Variants in BORA observed in about 807,000 individuals in gnomAD.
The protein encoded by BORA is protein aurora borealis.
BORA carries 26 observed loss-of-function variants against 55.8 expected under a neutral mutation model. That is an observed-to-expected ratio of 0.47 (90% CI 0.34 to 0.65). The LOEUF is 0.65. Ranked by LOEUF, BORA falls within the 30% of genes least tolerant of loss-of-function variation. The probability of loss-of-function intolerance (pLI) is 0.01; values close to 1 mark genes in which losing one functional copy is unlikely to be tolerated. For synonymous variants in BORA, 201 were observed against 216.9 expected (o/e 0.93, Z 0.64); for missense variants, 568 against 671.5 (o/e 0.85, Z 1.70).
chr13:72,744,441 A>G (rs2033099872), intron 6 of BORA, 64 bp from the exon 7 acceptor site: 7 of 1,349,052 alleles, frequency 5.2e-6, no homozygotes, highest in East Asian at 4.6e-5. Flanking sequence ...GCTGAATTGT[A>G]TAGTGTATAC....
intron 11 of BORA, 26 bp downstream of exon 11, chr13:72,753,847 T>C (rs766388101): frequency 6.3e-7 from 1 of 1,576,282 alleles, no homozygotes; most frequent in Non-Finnish European, 8.7e-7. Context: ...AGTGAAAGCT[T>C]AATATTGTTT....
At chr13:72,749,720 T>C (rs2033226520) in intron 10 of BORA, among the ~76,000 whole-genome samples, 1 of 152,180 alleles carries the variant, frequency 6.6e-6, no homozygotes, top group Non-Finnish European at 1.5e-5. Context: ...TTCCAAAGTT[T>C]TAAAAAGCCA....
chr13:72,733,826 G>T (rs976267265), intron 3 of BORA, among the ~76,000 whole-genome samples: 1 of 152,044 alleles, frequency 6.6e-6, no homozygotes, highest in African/African-American at 2.4e-5. Context: ...ATTAAGCCAT[G>T]AGCAAGTCTA....
intron 4 of BORA, among the ~76,000 whole-genome samples, chr13:72,736,404 A>G (rs758234016): frequency 3.9e-5 from 6 of 152,150 alleles, no homozygotes; most frequent in Non-Finnish European, 5.9e-5. Context: ...GTGTACTTTC[A>G]GATTAATTTT....
At chr13:72,741,212 A>G (rs2033026965) in intron 5 of BORA, among the ~76,000 whole-genome samples, 1 of 152,230 alleles carries the variant, frequency 6.6e-6, no homozygotes, top group Non-Finnish European at 1.5e-5. Context: ...ACTACACAGT[A>G]TTAGAGTGCT....
intron 4 of BORA, among the ~76,000 whole-genome samples, chr13:72,737,308 T>C (rs1041344228): frequency 7.9e-5 from 12 of 152,172 alleles, no homozygotes; most frequent in African/African-American, 2.9e-4. Flanking sequence ...AAGCTACTGA[T>C]GTGACATCAC....
chr13:72,747,826 C>A (rs1175318333), intron 10 of BORA, among the ~76,000 whole-genome samples: 1 of 152,166 alleles, frequency 6.6e-6, no homozygotes, highest in African/African-American at 2.4e-5. Context: ...AGCCACCGCG[C>A]CTGGCCTTAG....
chr13:72,736,127 G>A (rs2032922365), intron 4 of BORA, among the ~76,000 whole-genome samples: 1 of 151,678 alleles, frequency 6.6e-6, no homozygotes, highest in Non-Finnish European at 1.5e-5. Flanking sequence ...TTTTCATTCT[G>A]ACTCAGTCAC....
intron 5 of BORA, among the ~76,000 whole-genome samples, chr13:72,742,365 A>G (rs546001331): frequency 6.7e-6 from 1 of 148,618 alleles, no homozygotes; most frequent in South Asian, 2.1e-4. Flanking sequence ...GTGATTTTTC[A>G]ATTTATAAAA....
chr13:72,734,849 C>T, intron 3 of BORA, 111 bp from the exon 4 acceptor site: 1 of 716,990 alleles, frequency 1.4e-6, no homozygotes. Context: ...GTGAGCTTAA[C>T]ATTTGCCAGT....
At chr13:72,737,290 C>T (rs2032949690) in intron 4 of BORA, among the ~76,000 whole-genome samples, 1 of 152,026 alleles carries the variant, frequency 6.6e-6, no homozygotes, top group Admixed American at 6.6e-5. Context: ...CCAACCATGG[C>T]CAGTTTCAAG....
Position 72,747,131 on chromosome 13 carries a change from A to G in BORA, c.1482+20A>G, listed in dbSNP as rs1160186669. 5 of 1,606,252 alleles carry G rather than the reference A, an allele frequency of 3.1e-6. No homozygotes were observed. Among genetic ancestry groups the G allele is most frequent in the East Asian group, 2.2e-5 (1 of 44,832 alleles). ...ATTCAGGTAAGGTATTTAATATTCT[A>G]TAGCCCCTTCCTCACTGCCTTGGTG... On this transcript the variant is annotated intron_variant, in intron 10 of 11. Transcript: ENST00000390667.
In BORA at chr13:72,727,934, G is replaced by A. The variant is rs1036461065; in HGVS notation, c.-89G>A. ...GGAAGCGGGGAGTTAAAGAGTCTAT[G>A]CCTGTCGTGGAAGCTGGCCTGGCCC... is the stretch of plus-strand genomic sequence containing the variant. On this transcript the variant is annotated 5_prime_UTR_variant, in exon 1 of 12. The change abolishes an upstream ATG in the 5' untranslated region. Coordinates refer to ENST00000390667, the MANE Select transcript of BORA (RefSeq NM_024808.5). The A allele has an allele frequency of 3.2e-6, 5 of 1,550,518 alleles. No homozygotes were observed. The East Asian group carries it at 7.3e-5, about 23-fold the overall frequency.
chr13:72,750,570 C>T (rs1400305246), intron 10 of BORA, among the ~76,000 whole-genome samples: 1 of 152,110 alleles, frequency 6.6e-6, no homozygotes, highest in African/African-American at 2.4e-5. Flanking sequence ...GTAACTCCCA[C>T]ATGCTTAGTG....
chr13:72,745,220 C>T lies in BORA; in HGVS notation c.738+13C>T. 1 of 1,601,644 alleles carries T rather than the reference C, an allele frequency of 6.2e-7. No individual in the cohort carries two copies. Among genetic ancestry groups the T allele is most frequent in the Non-Finnish European group, 8.6e-7 (1 of 1,169,588 alleles). ...GACACCAAGTTCGGTGAGAAGTATA[C>T]TAAAAAGCAGTTGGCTAATATGCTG... On this transcript the variant is annotated intron_variant, in intron 8 of 11. Transcript: ENST00000390667.
In BORA at chr13:72,755,229, A is replaced by T. The variant is rs1240675183; in HGVS notation, c.*13A>T. On this transcript the variant is annotated 3_prime_UTR_variant, in exon 12 of 12. Transcript: ENST00000390667. Reference sequence around the variant, plus strand: ...CAGCAGTCCATAGAATGCCTCTGTCAGAATCAAAGACTAAGCTTAAGAGTT... The same window carrying T: ...CAGCAGTCCATAGAATGCCTCTGTCTGAATCAAAGACTAAGCTTAAGAGTT... 6.3e-7 allele frequency: 1 copy of T among 1,598,446 alleles called. No individual in the cohort carries two copies.
At chr13:72,739,158 T>G (rs1287389033) in intron 5 of BORA, among the ~76,000 whole-genome samples, 1 of 152,202 alleles carries the variant, frequency 6.6e-6, no homozygotes, top group African/African-American at 2.4e-5. Context: ...TCTAAAATTG[T>G]GTGTCCAAGG....
At position 72,737,994 on chromosome 13, in the gene BORA, T is replaced by C; in HGVS notation, c.339T>C (p.Pro113=). The C allele has an allele frequency of 6.2e-7, 1 of 1,602,012 alleles. No individual in the cohort carries two copies. Among genetic ancestry groups the C allele is most frequent in the Non-Finnish European group, 8.5e-7 (1 of 1,172,364 alleles). The change falls in exon 5 of 12, where the codon CCT becomes CCC. Residue 113 remains proline, a synonymous_variant. Coordinates refer to ENST00000390667, the MANE Select transcript of BORA (RefSeq NM_024808.5). ...FFTKDVIVPS[P]WTDHEGKQLS... ...CTAAAGATGTCATCGTACCCTCTCCTTGGACTGATCATGAAGGGAAACAGC... is the reference window on the plus strand; with the variant it reads ...CTAAAGATGTCATCGTACCCTCTCCCTGGACTGATCATGAAGGGAAACAGC...
rs759664207 is a variant in BORA at position 72,755,208 on chromosome 13, A to G, written c.1672A>G (p.Ser558Gly). ...AACAGCAAGCCCTTTTCAATGCAGC[A>G]GTCCATAGAATGCCTCTGTCAGAAT... ...MKTASPFQCS[S>G]P Residue 558 changes from serine to glycine, a missense_variant, in exon 12 of 12, where the codon AGT becomes GGT. Physicochemically the swap from Ser to Gly is moderately conservative, Grantham distance 56 (BLOSUM62 0). Coordinates refer to ENST00000390667, the MANE Select transcript of BORA (RefSeq NM_024808.5). The G allele has an allele frequency of 1.1e-5, 18 of 1,612,178 alleles. No homozygotes were observed. The Admixed American group carries it at 2.7e-4, about 24-fold the overall frequency.
Sources: allele counts gnomAD v4.1 joint callset (sites outside exome capture counted in the v4.1 genomes callset), GRCh38; gene constraint gnomAD v4.1.1; transcripts MANE v1.5; gene names NCBI Gene and HGNC (gene_info 2026-07-23, HGNC 2026-07-21).